The following EDAR variants were observed in gnomAD, a reference collection of about 807,000 sequenced individuals.
EDAR encodes the protein tumor necrosis factor receptor superfamily member EDAR.
In EDAR, 38 loss-of-function variants were observed where a neutral mutation model predicts 51.3. The ratio of observed to expected loss-of-function variants is 0.74; its 90% confidence interval spans 0.57 to 0.97. The LOEUF (loss-of-function observed/expected upper bound fraction) is 0.97, where lower values mean the gene tolerates loss of function less well. Ranked by LOEUF, EDAR falls within the 50% of genes least tolerant of loss-of-function variation. The probability of loss-of-function intolerance (pLI) is 0.00; values close to 1 mark genes in which losing one functional copy is unlikely to be tolerated. For missense variants in EDAR, 528 were observed against 595.0 expected (o/e 0.89, Z 1.17); for synonymous variants, 227 against 242.1 (o/e 0.94, Z 0.58).
rs2105368218 is a variant in EDAR, at chr2:108,894,777, A to G, written c.*2130T>C. On this transcript the variant is annotated 3_prime_UTR_variant, in exon 12 of 12. Transcript: ENST00000258443. ...ATAAGTAAATGACAAGGGAATTTGTAACTATATAAGGAATAGCTCCCTAAA... is the reference window on the plus strand; with the variant it reads ...ATAAGTAAATGACAAGGGAATTTGTGACTATATAAGGAATAGCTCCCTAAA... 6.6e-6 allele frequency: 1 copy of G among 152,338 alleles called. No individual in the cohort carries two copies. The highest frequency in any genetic ancestry group is 2.4e-5 in the African/African-American group (1 of 41,572). The allele number at this position is 152,338 out of a possible 1,614,324, so 9.4% of individuals were successfully genotyped here.
chr2:108,897,855 C>T (rs557910617), intron 11 of EDAR, among the ~76,000 whole-genome samples: 1 of 152,192 alleles, frequency 6.6e-6, no homozygotes, highest in African/African-American at 2.4e-5. Flanking sequence ...CCTGGACATT[C>T]TGTGTAAAAC....
chr2:108,979,609 A>G (rs1361631802), intron 1 of EDAR, among the ~76,000 whole-genome samples: 1 of 152,040 alleles, frequency 6.6e-6, no homozygotes, highest in Non-Finnish European at 1.5e-5. Context: ...CATGCTGCTG[A>G]GGTGCAGGGC....
Position 108,896,811 on chromosome 2 carries a change from C to A in EDAR, c.*96G>T. 8.0e-7 allele frequency: 1 copy of A among 1,252,484 alleles called. No individual in the cohort carries two copies. The highest frequency in any genetic ancestry group is 1.1e-6 in the Non-Finnish European group (1 of 891,926). 77.6% of individuals were successfully genotyped at this position (1,252,484 alleles called of 1,614,324 possible). A position where few individuals can be genotyped will look rare whatever the true frequency, so the allele number is the denominator to read the frequency against. On this transcript the variant is annotated 3_prime_UTR_variant, in exon 12 of 12. Transcript: ENST00000258443. ...GGCATACGGTGACATATCACAAAAG[C>A]CTTGATTCTTGGCAGTCTTTTGGCA...
chr2:108,914,975 C>T (rs868834149), intron 5 of EDAR, among the ~76,000 whole-genome samples: 1 of 152,236 alleles, frequency 6.6e-6, no homozygotes, highest in Non-Finnish European at 1.5e-5. Context: ...TGCAGTGGCA[C>T]GATCTTGGCT....
chr2:108,930,243 C>G lies in EDAR; in HGVS notation c.52-1G>C. 6.2e-7 allele frequency: 1 copy of G among 1,614,102 alleles called. No homozygotes were observed. The highest frequency in any genetic ancestry group is 8.5e-7 in the Non-Finnish European group (1 of 1,180,004). On this transcript the variant is annotated splice_acceptor_variant, in intron 2 of 11. Coordinates refer to ENST00000258443, the MANE Select transcript of EDAR (RefSeq NM_022336.4). LOFTEE classifies it high-confidence loss of function. ...CTCGGGCTGAGCACATCAGAGACAC[C>G]TGCCAACAAAGGGGGGTGTTGTGGC...
intron 1 of EDAR, among the ~76,000 whole-genome samples, chr2:108,961,408 G>A (rs1163433958): frequency 6.6e-6 from 1 of 152,126 alleles, no homozygotes; most frequent in Non-Finnish European, 1.5e-5. Flanking sequence ...GGCAGGCAGG[G>A]AGGAGCCAGC....
chr2:108,954,816 C>A (rs944268807), intron 1 of EDAR, among the ~76,000 whole-genome samples: 1 of 152,028 alleles, frequency 6.6e-6, no homozygotes, highest in African/African-American at 2.4e-5. Flanking sequence ...GCTAGTATTA[C>A]AGGCGCCCGC....
At chr2:108,929,503 G>T in intron 3 of EDAR, 124 bp from the exon 4 acceptor site, 3 of 1,041,190 alleles carry the variant, frequency 2.9e-6, no homozygotes, top group Admixed American at 1.9e-5. Flanking sequence ...CCGGGCCTTG[G>T]TTTCCTGAGT....
chr2:108,950,332 C>G (rs909551978), intron 1 of EDAR, among the ~76,000 whole-genome samples: 2 of 151,600 alleles, frequency 1.3e-5, no homozygotes, highest in Admixed American at 1.3e-4. Flanking sequence ...CTCACTGCAG[C>G]ATCAAATTTT....
At chr2:108,928,113 C>T (rs1162599158) in intron 4 of EDAR, among the ~76,000 whole-genome samples, 1 of 152,108 alleles carries the variant, frequency 6.6e-6, no homozygotes, top group African/African-American at 2.4e-5. Flanking sequence ...AGCCTGGTTC[C>T]ATCTGCTCCC....
intron 4 of EDAR, among the ~76,000 whole-genome samples, chr2:108,925,413 G>A (rs138768094): frequency 6.6e-5 from 10 of 152,292 alleles, no homozygotes; most frequent in African/African-American, 9.6e-5. Context: ...CACAACACCC[G>A]GCTTTATGAT....
chr2:108,898,373 T>C (rs919253519), intron 11 of EDAR, among the ~76,000 whole-genome samples: 2 of 152,116 alleles, frequency 1.3e-5, no homozygotes, highest in Admixed American at 1.3e-4. Flanking sequence ...CCCCCTTGAG[T>C]GTTAGTGAAG....
intron 5 of EDAR, among the ~76,000 whole-genome samples, chr2:108,921,786 C>T (rs1037192850): frequency 2.6e-5 from 4 of 152,220 alleles, no homozygotes; most frequent in African/African-American, 9.6e-5. Flanking sequence ...CAAGGCCTAT[C>T]TGGCCGCATC....
chr2:108,912,948 CT>C (rs373117728), intron 5 of EDAR, among the ~76,000 whole-genome samples, 184 bp from the exon 6 acceptor site: 1,687 of 139,044 alleles, frequency 0.012, 14 homozygotes, highest in Non-Finnish European at 0.013. Flanking sequence ...CGTTATTGTT[CT>C]TTTTTTTTTT....
rs1231176592 is a variant in EDAR, at chr2:108,925,125, T to C, written c.357-1672A>G. On this transcript the variant is annotated intron_variant, in intron 4 of 11. Transcript: ENST00000258443. ...GCTGGGAGGCCCTCCAGGGCAAGCCTTGTTCACGTCTATTGGTCCCGCTCC... is the reference window on the plus strand; with the variant it reads ...GCTGGGAGGCCCTCCAGGGCAAGCCCTGTTCACGTCTATTGGTCCCGCTCC... 2.0e-5 allele frequency among the ~76,000 whole-genome samples: 3 copies of C among 150,466 alleles called. No homozygotes were observed. In the East Asian group the frequency reaches 6.0e-4, roughly 30 times the overall value.
chr2:108,975,501 G>A (rs1256220440), intron 1 of EDAR, among the ~76,000 whole-genome samples: 5 of 152,206 alleles, frequency 3.3e-5, no homozygotes, highest in Admixed American at 6.5e-5. Context: ...GTCAACCCGC[G>A]GTAGCTTGGT....
chr2:108,937,413 C>A (rs1438444249), intron 1 of EDAR, among the ~76,000 whole-genome samples: 1 of 152,020 alleles, frequency 6.6e-6, no homozygotes, highest in African/African-American at 2.4e-5. Flanking sequence ...TCTGTGAGCA[C>A]CTATGTGTGA....
intron 1 of EDAR, among the ~76,000 whole-genome samples, chr2:108,965,464 C>CAA (rs71383817): frequency 0.62 from 84,773 of 137,170 alleles, 31,697 homozygotes; most frequent in Non-Finnish European, 0.85. Flanking sequence ...GATTTCGTCT[C>CAA]AAAAAAAAAA....
rs1318633836 is a variant in EDAR at position 108,894,565 on chromosome 2, C to CT, written c.*2341dup. 7.2e-5 allele frequency: 11 copies of CT among 152,532 alleles called. No individual in the cohort carries two copies. Among genetic ancestry groups the CT allele is most frequent in the Non-Finnish European group, 1.6e-4 (11 of 68,024 alleles). 9.4% of individuals were successfully genotyped at this position (152,532 alleles called of 1,614,324 possible). A position where few individuals can be genotyped will look rare whatever the true frequency, so the allele number is the denominator to read the frequency against. On this transcript the variant is annotated 3_prime_UTR_variant, in exon 12 of 12. Coordinates refer to ENST00000258443, the MANE Select transcript of EDAR (RefSeq NM_022336.4). ...ATATTGACAATTAAGACTTCACTGT[C>CT]TAAGGGCCACAGACCTACCCTGGGG...
Sources: allele counts gnomAD v4.1 joint callset (sites outside exome capture counted in the v4.1 genomes callset), GRCh38; gene constraint gnomAD v4.1.1; transcripts MANE v1.5; gene names NCBI Gene and HGNC (gene_info 2026-07-23, HGNC 2026-07-21).